The following SLAMF6 variants were observed in gnomAD, a reference collection of about 807,000 sequenced individuals.
SLAMF6 encodes the protein SLAM family member 6.
A neutral mutation model predicts 38.3 loss-of-function variants in SLAMF6; 21 were observed. The ratio of observed to expected loss-of-function variants is 0.55; its 90% CI spans 0.39 to 0.79. SLAMF6 has a LOEUF of 0.79. Ranked by LOEUF, SLAMF6 falls within the 30% of genes least tolerant of loss-of-function variation. The pLI, the probability that SLAMF6 is intolerant of heterozygous loss-of-function variation, is 0.00. For missense variants in SLAMF6, 341 were observed against 385.3 expected (o/e 0.89, Z 0.96); for synonymous variants, 152 against 146.3 (o/e 1.04, Z -0.28).
chr1:160,516,655 A>C (rs571611524), intron 1 of SLAMF6, among the ~76,000 whole-genome samples: 1 of 152,288 alleles, frequency 6.6e-6, no homozygotes, highest in South Asian at 2.1e-4. Context: ...ACTGGTACAA[A>C]ACAGACACAT....
chr1:160,487,255 G>T (rs958484816), intron 6 of SLAMF6, 80 bp from the exon 7 acceptor site: 3 of 1,301,164 alleles, frequency 2.3e-6, no homozygotes, highest in Non-Finnish European at 3.2e-6. Flanking sequence ...GAAAGACTGT[G>T]TGACAAAAAA....
At chr1:160,488,075 A>T (rs946954861) in intron 6 of SLAMF6, among the ~76,000 whole-genome samples, 11 of 149,484 alleles carry the variant, frequency 7.4e-5, no homozygotes, top group African/African-American at 2.5e-4. Context: ...TTGGTGACAG[A>T]GTGACACTCT....
At chr1:160,489,782 T>C (rs964805548) in intron 5 of SLAMF6, among the ~76,000 whole-genome samples, 1 of 152,152 alleles carries the variant, frequency 6.6e-6, no homozygotes, top group Non-Finnish European at 1.5e-5. Flanking sequence ...TGTTTCTATA[T>C]CATGTTTTCT....
intron 1 of SLAMF6, among the ~76,000 whole-genome samples, chr1:160,521,032 C>T (rs772989687): frequency 5.3e-5 from 8 of 152,186 alleles, no homozygotes; most frequent in South Asian, 2.1e-4. Context: ...AGCAGGTCCC[C>T]GTGTTTTTCT....
chr1:160,511,291 G>T lies in SLAMF6; in HGVS notation c.49+11853C>A, dbSNP rs575867826. On this transcript the variant is annotated intron_variant, in intron 1 of 7. Coordinates refer to ENST00000368057, the MANE Select transcript of SLAMF6 (RefSeq NM_001184714.2). Reference sequence around the variant, plus strand: ...AATATTGTAAAAGAAAAGCAAAATTGGTGGACTCACACTTTCCAATTTCAA... The same window carrying T: ...AATATTGTAAAAGAAAAGCAAAATTTGTGGACTCACACTTTCCAATTTCAA... Among the ~76,000 whole-genome samples the T allele has an allele frequency of 3.9e-5, 6 of 152,190 alleles. No homozygotes were observed. In the East Asian group the frequency reaches 9.6e-4, roughly 24 times the overall value.
intron 1 of SLAMF6, among the ~76,000 whole-genome samples, chr1:160,520,241 C>T (rs1654924138): frequency 6.6e-6 from 1 of 152,160 alleles, no homozygotes; most frequent in African/African-American, 2.4e-5. Context: ...TCAGAATCAG[C>T]CCTCATGTGT....
intron 1 of SLAMF6, among the ~76,000 whole-genome samples, chr1:160,508,515 G>A (rs1654309568): frequency 1.3e-5 from 2 of 152,068 alleles, no homozygotes; most frequent in South Asian, 4.1e-4. Context: ...AATTCAAGAT[G>A]GATTAAAGAC....
chr1:160,515,810 C>G (rs1471561195), intron 1 of SLAMF6, among the ~76,000 whole-genome samples: 1 of 152,138 alleles, frequency 6.6e-6, no homozygotes, highest in African/African-American at 2.4e-5. Flanking sequence ...AACATCCCTT[C>G]ATGTTAAACA....
At chr1:160,494,592 C>T (rs1653473644) in intron 2 of SLAMF6, among the ~76,000 whole-genome samples, 1 of 152,116 alleles carries the variant, frequency 6.6e-6, no homozygotes, top group Non-Finnish European at 1.5e-5. Context: ...TCCAGTATAA[C>T]CTGGATAGTC....
intron 2 of SLAMF6, among the ~76,000 whole-genome samples, chr1:160,494,843 C>G (rs1458100183): frequency 6.6e-6 from 1 of 152,126 alleles, no homozygotes; most frequent in East Asian, 1.9e-4. Flanking sequence ...CTTCTGGCCT[C>G]CAGAACTGTG....
At chr1:160,494,839 G>C (rs1653490890) in intron 2 of SLAMF6, among the ~76,000 whole-genome samples, 1 of 152,118 alleles carries the variant, frequency 6.6e-6, no homozygotes, top group Admixed American at 6.5e-5. Flanking sequence ...TGGACTTCTG[G>C]CCTCCAGAAC....
intron 1 of SLAMF6, among the ~76,000 whole-genome samples, chr1:160,505,658 C>T (rs938467172): frequency 6.6e-6 from 1 of 152,064 alleles, no homozygotes; most frequent in African/African-American, 2.4e-5. Flanking sequence ...TGCCTCGGCC[C>T]CCACAAAGTG....
At chr1:160,489,041 T>A in intron 6 of SLAMF6, 47 bp downstream of exon 6, 1 of 1,517,674 alleles carries the variant, frequency 6.6e-7, no homozygotes, top group Non-Finnish European at 9.2e-7. Flanking sequence ...TTGTGAACAA[T>A]GGCTGTAAAA....
At chr1:160,516,134 C>A (rs1654731845) in intron 1 of SLAMF6, among the ~76,000 whole-genome samples, 1 of 152,144 alleles carries the variant, frequency 6.6e-6, no homozygotes, top group Non-Finnish European at 1.5e-5. Flanking sequence ...GCTTCTTAAG[C>A]TCACATGCAA....
At chr1:160,488,101 A>C (rs1169563409) in intron 6 of SLAMF6, among the ~76,000 whole-genome samples, 3 of 151,790 alleles carry the variant, frequency 2.0e-5, no homozygotes, top group East Asian at 1.9e-4. Flanking sequence ...AAAAAAAAAA[A>C]AAAACCAAAA....
chr1:160,501,023 T>A (rs1321284502), intron 1 of SLAMF6, among the ~76,000 whole-genome samples: 1 of 152,230 alleles, frequency 6.6e-6, no homozygotes, highest in Non-Finnish European at 1.5e-5. Flanking sequence ...TGGTAGCCTG[T>A]CTAGGCATTA....
chr1:160,491,455 TA>T, intron 2 of SLAMF6, 67 bp from the exon 3 acceptor site: 1 of 1,556,366 alleles, frequency 6.4e-7, no homozygotes, highest in East Asian at 2.2e-5. Flanking sequence ...CTGTGAAAAA[TA>T]TCCTTCACCT....
chr1:160,503,344 C>T lies in SLAMF6; in HGVS notation c.50-6951G>A, dbSNP rs117790421. The stretch of plus-strand genomic sequence containing the variant: ...AGGAATTGGCCAAGCTTGGTTGACA[C>T]GCACCATTCATGGAGTCCATCCAGT... On this transcript the variant is annotated intron_variant, in intron 1 of 7. Coordinates refer to ENST00000368057, the MANE Select transcript of SLAMF6 (RefSeq NM_001184714.2). 3.5e-4 allele frequency among the ~76,000 whole-genome samples: 53 copies of T among 152,166 alleles called. No homozygotes were observed. The East Asian group carries it at 5.6e-3, about 16-fold the overall frequency.
intron 1 of SLAMF6, among the ~76,000 whole-genome samples, chr1:160,500,096 A>T (rs1163633453): frequency 6.6e-6 from 1 of 152,230 alleles, no homozygotes; most frequent in African/African-American, 2.4e-5. Flanking sequence ...GAGGGAGTAT[A>T]AAGGAAGGAT....
Sources: allele counts gnomAD v4.1 joint callset (sites outside exome capture counted in the v4.1 genomes callset), GRCh38; gene constraint gnomAD v4.1.1; transcripts MANE v1.5; gene names NCBI Gene and HGNC (gene_info 2026-07-23, HGNC 2026-07-21).